Variants in SETD1A observed in about 807,000 individuals in gnomAD.
SETD1A encodes SET domain containing 1A, histone lysine methyltransferase.
SETD1A carries 29 observed loss-of-function variants against 149.9 expected under a neutral mutation model. That is an observed-to-expected ratio of 0.19 (90% confidence interval 0.14 to 0.26). The LOEUF (loss-of-function observed/expected upper bound fraction) is 0.26. Ranked by LOEUF, SETD1A falls within the 10% of genes least tolerant of loss-of-function variation. The probability of loss-of-function intolerance (pLI) is 1.00; values close to 1 mark genes in which losing one functional copy is unlikely to be tolerated. For missense variants in SETD1A, 2,109 were observed against 2,353.1 expected (o/e 0.90, Z 2.15); for synonymous variants, 1,141 against 968.5 (o/e 1.18, Z -3.31).
chr16:30,979,988 G>GGCCCCCCCCCCC lies in SETD1A; in HGVS notation c.4202_4203insGCCCCCCCCCCC (p.Arg1401_Arg1402insProProProPro). ...AGCCTCCGCTCCCACGCCCGGCGCC[G>GGCCCCCCCCCCC]CCGCCCTCCGCCCCCACCCCCGCCG... On this transcript the variant is annotated inframe_insertion, in exon 14 of 19. Transcript: ENST00000262519. The GGCCCCCCCCCCC allele has an allele frequency of 6.7e-7, 1 of 1,494,246 alleles. No individual in the cohort carries two copies. 92.6% of individuals were successfully genotyped at this position (1,494,246 alleles called of 1,614,324 possible). A position where few individuals can be genotyped will look rare whatever the true frequency, so the allele number is the denominator to read the frequency against.
At position 30,981,231 on chromosome 16, in the gene SETD1A, AT is replaced by A. The variant is rs1567365511; in HGVS notation, c.4812+52del. 4.4e-6 allele frequency: 7 copies of A among 1,607,134 alleles called. No homozygotes were observed. The East Asian group carries it at 1.1e-4, about 26-fold the overall frequency. On this transcript the variant is annotated intron_variant, in intron 17 of 18. Coordinates refer to ENST00000262519, the MANE Select transcript of SETD1A (RefSeq NM_014712.3). ...CCGGCTTCTGATGCAACAAGACAGC[AT>A]GGGGGCTCACACACATGCTGTTTGT...
intron 2 of SETD1A, 46 bp downstream of exon 2, chr16:30,958,927 C>T (rs751694517): frequency 5.6e-6 from 9 of 1,609,420 alleles, no homozygotes; most frequent in Middle Eastern, 1.6e-4. Context: ...CTCCAGGCGC[C>T]CGTCCTCTGT....
intron 3 of SETD1A, among the ~76,000 whole-genome samples, chr16:30,959,534 G>A (rs967175417): frequency 2.0e-5 from 3 of 152,146 alleles, no homozygotes; most frequent in African/African-American, 7.2e-5. Flanking sequence ...GGAGTGACAA[G>A]GCCACTGCCT....
intron 17 of SETD1A, among the ~76,000 whole-genome samples, chr16:30,982,028 AAC>A (rs1386795834): frequency 1.3e-5 from 2 of 152,174 alleles, no homozygotes; most frequent in African/African-American, 2.4e-5. Context: ...GGGCTATGGG[AAC>A]ACACACCTGG....
chr16:30,971,487 ATCCTCC>A lies in SETD1A; in HGVS notation c.3138_3143del (p.Ser1057_Ser1058del), dbSNP rs777098458. The A allele has an allele frequency of 2.6e-5, 42 of 1,611,432 alleles. No homozygotes were observed. Among genetic ancestry groups the A allele is most frequent in the Non-Finnish European group, 3.3e-5 (39 of 1,178,730 alleles). On this transcript the variant is annotated inframe_deletion, in exon 13 of 19. Coordinates refer to ENST00000262519, the MANE Select transcript of SETD1A (RefSeq NM_014712.3). Reference sequence around the variant, plus strand: ...AGAGCAGCAGCTCTTCCAGCTCCTCATCCTCCTCCTCCTCCTCGTCCTCATCCTCCT... The same window carrying A: ...AGAGCAGCAGCTCTTCCAGCTCCTCATCCTCCTCCTCGTCCTCATCCTCCT...
intron 13 of SETD1A, among the ~76,000 whole-genome samples, chr16:30,978,646 A>G (rs533412795): frequency 6.6e-6 from 1 of 152,382 alleles, no homozygotes; most frequent in Admixed American, 6.5e-5. Context: ...CAAAGATGCC[A>G]CTTTTTAGGT....
chr16:30,972,638 C>CAA (rs34067658), intron 13 of SETD1A, among the ~76,000 whole-genome samples: 1 of 118,944 alleles, frequency 8.4e-6, no homozygotes, highest in Non-Finnish European at 1.8e-5. Flanking sequence ...GACTCTGTCT[C>CAA]AAAAAAAAAA....
Position 30,971,362 on chromosome 16 carries a change from C to T in SETD1A, c.3017-16C>T, listed in dbSNP as rs764843081. On this transcript the variant is annotated splice_polypyrimidine_tract_variant and intron_variant, in intron 12 of 18. Coordinates refer to ENST00000262519, the MANE Select transcript of SETD1A (RefSeq NM_014712.3). ...GGTCTGCCCACCTCTCCTGACTGCCCCTTCTGGATTTCCAGGCGAGGACGA... is the reference window on the plus strand; with the variant it reads ...GGTCTGCCCACCTCTCCTGACTGCCTCTTCTGGATTTCCAGGCGAGGACGA... The T allele has an allele frequency of 4.5e-6, 7 of 1,561,766 alleles. No individual in the cohort carries two copies. The highest frequency in any genetic ancestry group is 1.8e-4 in the Middle Eastern group (1 of 5,674).
chr16:30,977,767 G>C (rs928385011), intron 13 of SETD1A, among the ~76,000 whole-genome samples: 4 of 152,224 alleles, frequency 2.6e-5, no homozygotes, highest in Non-Finnish European at 5.9e-5. Context: ...CGCCAGGGTT[G>C]GGAGTGCGGT....
chr16:30,972,569 C>T (rs2056238086), intron 13 of SETD1A, among the ~76,000 whole-genome samples: 2 of 151,012 alleles, frequency 1.3e-5, no homozygotes, highest in South Asian at 4.2e-4. Context: ...ACCCAGGAGG[C>T]AGAGGCTTGC....
At position 30,966,173 on chromosome 16, in the gene SETD1A, C is replaced by T. The variant is rs758850246; in HGVS notation, c.2292C>T (p.Val764=). The T allele has an allele frequency of 3.1e-6, 5 of 1,610,942 alleles. No individual in the cohort carries two copies. The East Asian group carries it at 1.1e-4, about 36-fold the overall frequency. ...CCGAGCCCCTGCCCTCCTCCTCAGT[C>T]TCGGGAGAGGAGGCCCGGCTGCCAC... ...MAAEPLPSSS[V]SGEEARLPPR... Residue 764 remains valine, a synonymous_variant, in exon 8 of 19, where the codon GTC becomes GTT. Transcript: ENST00000262519.
chr16:30,976,132 C>T (rs1437803038), intron 13 of SETD1A, among the ~76,000 whole-genome samples: 2 of 152,036 alleles, frequency 1.3e-5, no homozygotes, highest in Admixed American at 6.6e-5. Context: ...CCAGTCCAGG[C>T]GCGGTGGCTC....
intron 11 of SETD1A, 54 bp downstream of exon 11, chr16:30,969,516 C>T: frequency 6.3e-7 from 1 of 1,599,858 alleles, no homozygotes; most frequent in South Asian, 1.1e-5. Context: ...TAGCCAGCAT[C>T]TTTGTGGTTG....
chr16:30,973,950 G>T (rs1411783919), intron 13 of SETD1A, among the ~76,000 whole-genome samples: 1 of 152,134 alleles, frequency 6.6e-6, no homozygotes, highest in Non-Finnish European at 1.5e-5. Flanking sequence ...AAGGAGAGGG[G>T]CCTGACCATA....
In SETD1A at chr16:30,963,433, G is replaced by T; in HGVS notation, c.518G>T (p.Gly173Val). Reference protein sequence around the residue: ...NIIHAQLDIKGQQRMKYYELI... With the variant: ...NIIHAQLDIKVQQRMKYYELI... ...TTGGTTCCCATTTCCCTCCCTCCAG[G>T]ACAACAACGAATGAAATACTATGAA... Residue 173 changes from glycine to valine, a missense_variant and splice_region_variant, in exon 5 of 19, where the codon GGA (glycine) becomes GTA (valine). Around this residue, in one of 8 missense-constraint regions of SETD1A, gnomAD observed 62 missense variants for 149.5 expected, o/e 0.41. Transcript: ENST00000262519. 6.2e-7 allele frequency: 1 copy of T among 1,603,148 alleles called. No individual in the cohort carries two copies.
At chr16:30,959,389 C>T (rs550922008) in intron 3 of SETD1A, among the ~76,000 whole-genome samples, 4 of 152,096 alleles carry the variant, frequency 2.6e-5, no homozygotes, top group East Asian at 1.9e-4. Context: ...CTAAGTGTAT[C>T]CCTGGTGGCT....
intron 13 of SETD1A, among the ~76,000 whole-genome samples, chr16:30,972,433 G>C (rs1320527884): frequency 6.6e-6 from 1 of 151,630 alleles, no homozygotes; most frequent in African/African-American, 2.4e-5. Context: ...TCAGGAGATC[G>C]AGACCATCCT....
rs776044152 is a variant in SETD1A, at chr16:30,979,660, C to A, written c.3874C>A (p.Leu1292Met). ...TSDEAERPRPLLSHILLEHNY... is the reference protein window; with the variant it reads ...TSDEAERPRPMLSHILLEHNY... ...GGACGAGGCCGAGCGCCCTAGGCCC[C>A]TGCTCAGCCACATCCTCCTGGAGCA... Residue 1292 changes from leucine (L) to methionine (M), a missense_variant, in exon 14 of 19, where the codon CTG becomes ATG. Physicochemically the swap from Leu to Met is conservative, Grantham distance 15 (BLOSUM62 2). Around this residue, in one of 8 missense-constraint regions of SETD1A, gnomAD observed 832 missense variants for 815.6 expected, o/e 1.02. Coordinates refer to ENST00000262519, the MANE Select transcript of SETD1A (RefSeq NM_014712.3). 7 of 1,609,446 alleles carry A rather than the reference C, an allele frequency of 4.3e-6. No individual in the cohort carries two copies. In the East Asian group the frequency reaches 1.6e-4, roughly 36 times the overall value.
At chr16:30,959,931 G>A (rs2056026047) in intron 3 of SETD1A, among the ~76,000 whole-genome samples, 1 of 151,954 alleles carries the variant, frequency 6.6e-6, no homozygotes, top group Non-Finnish European at 1.5e-5. Flanking sequence ...AGATTTAAGG[G>A]ATTTAAAACA....
Sources: gnomAD v4.1 joint callset for allele counts (sites outside exome capture counted in the v4.1 genomes callset) on GRCh38, gnomAD v4.1.1 for gene constraint, gnomAD v4.1.1 regional missense constraint, MANE v1.5 for transcripts, NCBI Gene and HGNC (gene_info 2026-07-23, HGNC 2026-07-21) for gene names.